The following DERA variants were observed in gnomAD, a reference collection of about 807,000 sequenced individuals.
DERA encodes the protein 2-deoxy-D-ribose 5-phosphate aldolase.
DERA carries 15 observed loss-of-function variants against 41.1 expected under a neutral mutation model. The observed-to-expected ratio is 0.37, with a 90% CI of 0.24 to 0.56. DERA has a LOEUF of 0.56. Ranked by LOEUF, DERA falls within the 20% of genes least tolerant of loss-of-function variation. The pLI, the probability that DERA is intolerant of heterozygous loss-of-function variation, is 0.81. For missense variants in DERA, 396 were observed against 403.4 expected, an observed-to-expected ratio of 0.98 and a Z score of 0.16; for synonymous variants, 139 against 137.4, an observed-to-expected ratio of 1.01 and a Z score of -0.08.
chr12:15,937,112 G>A (rs544459958), intron 1 of DERA, among the ~76,000 whole-genome samples: 1 of 152,126 alleles, frequency 6.6e-6, no homozygotes, highest in South Asian at 2.1e-4. Flanking sequence ...GCACCAGCAC[G>A]ACCTGGCTAA....
chr12:15,981,142 A>T lies in DERA; in HGVS notation c.509-1166A>T, dbSNP rs1033447666. On this transcript the variant is annotated intron_variant, in intron 5 of 8. Coordinates refer to ENST00000428559, the MANE Select transcript of DERA (RefSeq NM_015954.4). The surrounding 1 kb of genome is among the most constrained non-coding windows in gnomAD (Gnocchi z 6.1). The stretch of plus-strand genomic sequence containing the variant: ...GGCAGGCGGATTACCAGATCAGGAG[A>T]TCGAGACCATCCTGGTTAACACGGT... Among the ~76,000 whole-genome samples the T allele has an allele frequency of 3.3e-5, 5 of 152,092 alleles. 1 individual carries two copies. The highest frequency in any genetic ancestry group is 5.9e-5 in the Non-Finnish European group (4 of 68,036).
At chr12:15,973,113 A>G (rs997806200) in intron 5 of DERA, among the ~76,000 whole-genome samples, 2 of 152,156 alleles carry the variant, frequency 1.3e-5, no homozygotes, top group African/African-American at 4.8e-5. Flanking sequence ...AGGTCAGGTT[A>G]TGACCTCTAC....
chr12:16,002,866 TCTC>T (rs1948884798), intron 6 of DERA, among the ~76,000 whole-genome samples: 1 of 152,170 alleles, frequency 6.6e-6, no homozygotes, highest in Non-Finnish European at 1.5e-5. Flanking sequence ...ATTTTTAAAA[TCTC>T]CTCCCCTGCC....
In DERA at chr12:15,996,911, A is replaced by G. The variant is rs775408759; in HGVS notation, c.637+14475A>G. 1.6e-4 allele frequency among the ~76,000 whole-genome samples: 24 copies of G among 152,220 alleles called. No homozygotes were observed. Among genetic ancestry groups the G allele is most frequent in the Non-Finnish European group, 3.2e-4 (22 of 68,042 alleles). On this transcript the variant is annotated intron_variant, in intron 6 of 8. Transcript: ENST00000428559. The surrounding 1 kb of genome is among the most constrained non-coding windows in gnomAD (Gnocchi z 4.7). ...TTTTTATCTGCAAAAAGCATTTGGT[A>G]AGGTTCTCAATGGGAGATTAATGAC...
At position 16,008,875 on chromosome 12, in the gene DERA, A is replaced by G. The variant is rs1476082169; in HGVS notation, c.638-23667A>G. ...TAGGTAGGATTTTGACTGGGAAAGA[A>G]AGGACGTAGAGAACTACAAACTTGA... On this transcript the variant is annotated intron_variant, in intron 6 of 8. Transcript: ENST00000428559. This position sits in a 1 kb window ranked among gnomAD's most constrained non-coding sequence, Gnocchi z 4.8. Among the ~76,000 whole-genome samples, 1 of 152,216 alleles carries G rather than the reference A, an allele frequency of 6.6e-6. No individual in the cohort carries two copies. Among genetic ancestry groups the G allele is most frequent in the Non-Finnish European group, 1.5e-5 (1 of 68,034 alleles).
chr12:15,944,826 T>A (rs1477230845), intron 1 of DERA, among the ~76,000 whole-genome samples: 2 of 152,216 alleles, frequency 1.3e-5, no homozygotes, highest in African/African-American at 2.4e-5. Context: ...CTGAATGGTA[T>A]TGCCTAGGTT....
intron 6 of DERA, among the ~76,000 whole-genome samples, chr12:15,987,734 G>A (rs569071954): frequency 1.1e-3 from 169 of 152,060 alleles, no homozygotes; most frequent in Admixed American, 2.2e-3. Flanking sequence ...TTTGTCACAG[G>A]ATCTTTAGGG....
In DERA at chr12:15,928,027, T is replaced by C. The variant is rs963251857; in HGVS notation, c.31+16613T>C. On this transcript the variant is annotated intron_variant, in intron 1 of 8. Transcript: ENST00000428559. The surrounding 1 kb of genome is among the most constrained non-coding windows in gnomAD (Gnocchi z 4.6). ...TAAAACTTTTTAAATTGGAAAATAA[T>C]AATTATCTATTTAGGGGATACAATG... Among the ~76,000 whole-genome samples the C allele has an allele frequency of 1.4e-4, 19 of 138,440 alleles. No homozygotes were observed. Among genetic ancestry groups the C allele is most frequent in the African/African-American group, 5.1e-4 (19 of 36,932 alleles). The allele number at this position is 138,440 out of a possible 152,430, so 90.8% of individuals were successfully genotyped here.
chr12:15,913,150 T>C lies in DERA; in HGVS notation c.31+1736T>C, dbSNP rs1234290361. On this transcript the variant is annotated intron_variant, in intron 1 of 8. Coordinates refer to ENST00000428559, the MANE Select transcript of DERA (RefSeq NM_015954.4). This position sits in a 1 kb window ranked among gnomAD's most constrained non-coding sequence, Gnocchi z 4.5. ...CTTTCAAAAAACATAATTGAACCAT[T>C]TTTAAATTTATTTATTTGCAGTAAT... 6.6e-6 allele frequency among the ~76,000 whole-genome samples: 1 copy of C among 152,250 alleles called. No individual in the cohort carries two copies. The highest frequency in any genetic ancestry group is 1.5e-5 in the Non-Finnish European group (1 of 68,050).
intron 6 of DERA, among the ~76,000 whole-genome samples, chr12:16,028,960 A>G (rs935731853): frequency 2.6e-5 from 4 of 152,180 alleles, no homozygotes; most frequent in Non-Finnish European, 4.4e-5. Flanking sequence ...AAAAATCTAT[A>G]AAGTGTGGAC....
At chr12:15,934,056 A>G (rs1250085569) in intron 1 of DERA, among the ~76,000 whole-genome samples, 1 of 152,184 alleles carries the variant, frequency 6.6e-6, no homozygotes, top group Non-Finnish European at 1.5e-5. Context: ...TAAAACAGCT[A>G]ATAAAGTGCC....
At position 15,931,261 on chromosome 12, in the gene DERA, CAG is replaced by C. The variant is rs200148716; in HGVS notation, c.31+19850_31+19851del. Among the ~76,000 whole-genome samples the C allele has an allele frequency of 0.027, 4,040 of 152,234 alleles. 68 individuals are homozygous for C. Among genetic ancestry groups the C allele is most frequent in the Non-Finnish European group, 0.04 (2,728 of 68,018 alleles). On this transcript the variant is annotated intron_variant, in intron 1 of 8. Transcript: ENST00000428559. The surrounding 1 kb of genome is among the most constrained non-coding windows in gnomAD (Gnocchi z 4.6). The stretch of plus-strand genomic sequence containing the variant: ...CCGATAGTATAAATTCAATAAGTAA[CAG>C]AGCATTATTGGACATTCTAAAATTT...
rs1053187081 is a variant in DERA at position 16,017,644 on chromosome 12, C to T, written c.638-14898C>T. 1.6e-4 allele frequency among the ~76,000 whole-genome samples: 24 copies of T among 152,148 alleles called. No individual in the cohort carries two copies. Among genetic ancestry groups the T allele is most frequent in the Admixed American group, 1.4e-3 (22 of 15,276 alleles). ...AAGTGATTTCCAAACCTATGTTGAACAAAAGAATACAATATTGAAGACTTT... is the reference window on the plus strand; with the variant it reads ...AAGTGATTTCCAAACCTATGTTGAATAAAAGAATACAATATTGAAGACTTT... On this transcript the variant is annotated intron_variant, in intron 6 of 8. Transcript: ENST00000428559. This position sits in a 1 kb window ranked among gnomAD's most constrained non-coding sequence, Gnocchi z 5.5.
intron 1 of DERA, among the ~76,000 whole-genome samples, chr12:15,932,760 T>C (rs1948338216): frequency 6.6e-6 from 1 of 152,240 alleles, no homozygotes; most frequent in South Asian, 2.1e-4. Flanking sequence ...TGTTATTAAC[T>C]GTAGTTAACA....
At position 15,922,056 on chromosome 12, in the gene DERA, C is replaced by G. The variant is rs1001012493; in HGVS notation, c.31+10642C>G. Among the ~76,000 whole-genome samples the G allele has an allele frequency of 1.3e-5, 2 of 152,184 alleles. No individual in the cohort carries two copies. The highest frequency in any genetic ancestry group is 4.8e-5 in the African/African-American group (2 of 41,442). ...TAGGAGGCAATCATTATTATAATCT[C>G]AAAGTCATTCATTCAGCATGTGTAT... On this transcript the variant is annotated intron_variant, in intron 1 of 8. Coordinates refer to ENST00000428559, the MANE Select transcript of DERA (RefSeq NM_015954.4). This position sits in a 1 kb window ranked among gnomAD's most constrained non-coding sequence, Gnocchi z 4.9.
At position 15,988,788 on chromosome 12, in the gene DERA, C is replaced by A. The variant is rs745321513; in HGVS notation, c.637+6352C>A. ...CCTCCCACCACCATCATCATGTTGT[C>A]CACGGCACCCAGGCTATTCACACTG... On this transcript the variant is annotated intron_variant, in intron 6 of 8. Coordinates refer to ENST00000428559, the MANE Select transcript of DERA (RefSeq NM_015954.4). This position sits in a 1 kb window ranked among gnomAD's most constrained non-coding sequence, Gnocchi z 6.0. Among the ~76,000 whole-genome samples, 3 of 152,184 alleles carry A rather than the reference C, an allele frequency of 2.0e-5. No individual in the cohort carries two copies. The highest frequency in any genetic ancestry group is 2.9e-5 in the Non-Finnish European group (2 of 68,034).
In DERA at chr12:15,943,511, A is replaced by C. The variant is rs1948423082; in HGVS notation, c.32-13425A>C. Among the ~76,000 whole-genome samples, 3 of 152,134 alleles carry C rather than the reference A, an allele frequency of 2.0e-5. No homozygotes were observed. The highest frequency in any genetic ancestry group is 2.9e-5 in the Non-Finnish European group (2 of 68,024). On this transcript the variant is annotated intron_variant, in intron 1 of 8. Coordinates refer to ENST00000428559, the MANE Select transcript of DERA (RefSeq NM_015954.4). The surrounding 1 kb of genome is among the most constrained non-coding windows in gnomAD (Gnocchi z 4.5). The stretch of plus-strand genomic sequence containing the variant: ...GGGAAAACCTTTCTGTGCTGAAAAA[A>C]GTTCTCCTTAAGGACCTTTTAAACC...
intron 5 of DERA, among the ~76,000 whole-genome samples, chr12:15,971,585 TG>T (rs1384888216): frequency 1.3e-5 from 2 of 149,782 alleles, no homozygotes; most frequent in Non-Finnish European, 3.0e-5. Context: ...GGTGCGATCT[TG>T]GCTCACTGCA....
At chr12:16,030,195 G>A (rs972242670) in intron 6 of DERA, among the ~76,000 whole-genome samples, 8 of 151,354 alleles carry the variant, frequency 5.3e-5, no homozygotes, top group Non-Finnish European at 8.8e-5. Flanking sequence ...GCCTCCCAAA[G>A]TGCTGGGATT....
Sources: gnomAD v4.1 joint callset for allele counts (sites outside exome capture counted in the v4.1 genomes callset) on GRCh38, gnomAD v4.1.1 for gene constraint, Gnocchi (gnomAD v3.1) non-coding constraint, MANE v1.5 for transcripts, NCBI Gene and HGNC (gene_info 2026-07-23, HGNC 2026-07-21) for gene names.